NUDT19: variants seen among roughly 807,000 people sequenced by gnomAD.
NUDT19 encodes the protein acyl-coenzyme A diphosphatase NUDT19.
In NUDT19, 31 loss-of-function variants were observed where a neutral mutation model predicts 22.2. The ratio of observed to expected loss-of-function variants is 1.40; its 90% CI spans 1.05 to 1.89. The LOEUF (loss-of-function observed/expected upper bound fraction) is 1.89, where lower values mean the gene tolerates loss of function less well. NUDT19 is among the 40% of genes most tolerant of loss of function. NUDT19 has a pLI of 0.00. For synonymous variants in NUDT19, 325 were observed against 230.8 expected, an observed-to-expected ratio of 1.41 and a Z score of -3.70; for missense variants, 752 against 514.2, an observed-to-expected ratio of 1.46 and a Z score of -4.47.
intron 2 of NUDT19, 60 bp from the exon 3 acceptor site, chr19:32,711,690 TTC>T: frequency 3.2e-6 from 3 of 939,390 alleles, no homozygotes; most frequent in African/African-American, 1.7e-5. Flanking sequence ...ATTTTATACT[TTC>T]TGCCATGGTG....
In NUDT19 at chr19:32,711,835, G is replaced by A. The variant is rs1263938963; in HGVS notation, c.1006G>A (p.Gly336Ser). The A allele has an allele frequency of 1.9e-6, 3 of 1,613,636 alleles. No individual in the cohort carries two copies. The highest frequency in any genetic ancestry group is 2.7e-5 in the African/African-American group (2 of 74,906). ...EKKTEEIMKE[G>S]KQFHRIVTYH... Reference sequence around the variant, plus strand: ...AAAGACTGAGGAAATCATGAAGGAAGGCAAGCAGTTTCACCGGATAGTGAC... The same window carrying A: ...AAAGACTGAGGAAATCATGAAGGAAAGCAAGCAGTTTCACCGGATAGTGAC... Residue 336 changes from glycine (G) to serine (S), a missense_variant, in exon 3 of 3, where the codon GGC (glycine) becomes AGC (serine). Physicochemically the swap from Gly to Ser is moderately conservative, Grantham distance 56 (BLOSUM62 0). Transcript: ENST00000397061.
At chr19:32,697,028 G>A (rs899046301) in intron 1 of NUDT19, among the ~76,000 whole-genome samples, 2 of 152,108 alleles carry the variant, frequency 1.3e-5, no homozygotes, top group South Asian at 2.1e-4. Flanking sequence ...GGACATGGGC[G>A]AGGGGGCAGC....
intron 1 of NUDT19, among the ~76,000 whole-genome samples, chr19:32,706,493 G>GACCA (rs1968388641): frequency 6.6e-6 from 1 of 152,146 alleles, no homozygotes; most frequent in African/African-American, 2.4e-5. Flanking sequence ...AGACCAGCCT[G>GACCA]ACCAACAGGA....
intron 1 of NUDT19, 91 bp downstream of exon 1, chr19:32,692,765 T>A: frequency 1.1e-6 from 1 of 935,540 alleles, no homozygotes; most frequent in Non-Finnish European, 1.5e-6. Flanking sequence ...GACCCCCGCA[T>A]AGGCCAAGCC....
At chr19:32,697,100 G>C (rs1968272864) in intron 1 of NUDT19, among the ~76,000 whole-genome samples, 1 of 152,084 alleles carries the variant, frequency 6.6e-6, no homozygotes, top group African/African-American at 2.4e-5. Context: ...CTGATAACAA[G>C]CCCTACCAGG....
rs563946599 is a variant in NUDT19, at chr19:32,703,243, C to T, written c.715-5942C>T. 1.9e-3 allele frequency among the ~76,000 whole-genome samples: 296 copies of T among 152,306 alleles called. 2 individuals are homozygous for T. Among genetic ancestry groups the T allele is most frequent in the African/African-American group, 6.8e-3 (281 of 41,570 alleles). On this transcript the variant is annotated intron_variant, in intron 1 of 2. Transcript: ENST00000397061. ...GTCGAACTCCCAACCTCAGGTAATC[C>T]GCACACCTCGGCCTCCCAAAGTGCT... is the stretch of plus-strand genomic sequence containing the variant.
chr19:32,695,647 C>A (rs765818386), intron 1 of NUDT19, among the ~76,000 whole-genome samples: 3 of 152,108 alleles, frequency 2.0e-5, no homozygotes, highest in Non-Finnish European at 4.4e-5. Context: ...GCCGTTCTCC[C>A]TTCTCCTTCC....
chr19:32,707,236 T>C (rs1968395909), intron 1 of NUDT19, among the ~76,000 whole-genome samples: 1 of 152,230 alleles, frequency 6.6e-6, no homozygotes, highest in Non-Finnish European at 1.5e-5. Context: ...ACTGAACTCA[T>C]ACGGTTGCCT....
intron 1 of NUDT19, among the ~76,000 whole-genome samples, chr19:32,701,440 C>T (rs568174596): frequency 6.6e-6 from 1 of 152,098 alleles, no homozygotes; most frequent in East Asian, 1.9e-4. Context: ...TCAGGTGATC[C>T]ACCTGTCTGG....
Position 32,692,441 on chromosome 19 carries a change from C to T in NUDT19, c.481C>T (p.Pro161Ser), listed in dbSNP as rs756149645. 6.5e-7 allele frequency: 1 copy of T among 1,548,446 alleles called. No homozygotes were observed. The change falls in exon 1 of 3, where the codon CCG (proline) becomes TCG (serine). Residue 161 changes from proline to serine, a missense_variant. Pro to Ser is a moderately conservative substitution (Grantham distance 74). Transcript: ENST00000397061. ...CGGGCCTGGCCTCGCCCTGGAGCCA[C>T]CGCCGGGCCTGGCCTCCTGGCGCGA... ...APGPGLALEP[P>S]PGLASWRDRV...
Position 32,692,415 on chromosome 19 carries a change from C to T in NUDT19, c.455C>T (p.Pro152Leu). 6.4e-7 allele frequency: 1 copy of T among 1,558,582 alleles called. No homozygotes were observed. Among genetic ancestry groups the T allele is most frequent in the East Asian group, 2.4e-5 (1 of 41,476 alleles). Residue 152 changes from proline to leucine, a missense_variant, in exon 1 of 3, where the codon CCC (proline) becomes CTC (leucine). Transcript: ENST00000397061. ...AGGACTTCCCCACCAGGCCCAGCAC[C>T]CGGGCCTGGCCTCGCCCTGGAGCCA... ...RPRTSPPGPA[P>L]GPGLALEPPP...
chr19:32,705,774 C>T (rs1018952249), intron 1 of NUDT19, among the ~76,000 whole-genome samples: 28 of 151,868 alleles, frequency 1.8e-4, no homozygotes, highest in East Asian at 5.9e-4. Flanking sequence ...TAGTAGAGTC[C>T]GAGTTTCACC....
chr19:32,692,576 C>T lies in NUDT19; in HGVS notation c.616C>T (p.Arg206Trp), dbSNP rs759537114. Residue 206 changes from arginine (R) to tryptophan (W), a missense_variant, in exon 1 of 3, where the codon CGG becomes TGG. Transcript: ENST00000397061. Reference protein sequence around the residue: ...NWSAWLTPFLRGTTRRFDTAF... With the variant: ...NWSAWLTPFLWGTTRRFDTAF... ...GAGCGCCTGGCTCACCCCTTTCTTG[C>T]GGGGCACCACTCGCCGCTTTGACAC... The T allele has an allele frequency of 2.2e-5, 35 of 1,592,502 alleles. No individual in the cohort carries two copies. The highest frequency in any genetic ancestry group is 2.8e-5 in the African/African-American group (2 of 72,558).
chr19:32,692,714 G>T, intron 1 of NUDT19, 40 bp downstream of exon 1: 1 of 1,394,986 alleles, frequency 7.2e-7, no homozygotes, highest in South Asian at 1.6e-5. Context: ...CCGCCAGGAC[G>T]TGAGAGGGAG....
Position 32,709,348 on chromosome 19 carries a change from C to T in NUDT19, c.878C>T (p.Pro293Leu), listed in dbSNP as rs184454636. 2.2e-4 allele frequency: 351 copies of T among 1,614,114 alleles called. 1 individual carries two copies. The highest frequency in any genetic ancestry group is 1.2e-3 in the Middle Eastern group (7 of 6,062). The change falls in exon 2 of 3, where the codon CCG (proline) becomes CTG (leucine). Residue 293 changes from proline to leucine, a missense_variant. Pro to Leu is a moderately conservative substitution (Grantham distance 98). Transcript: ENST00000397061. ...TTAGAAGGACTGGAAAGGTGGCTGC[C>T]GATCATCTTGTTAACTGCTGATGGG... is the stretch of plus-strand genomic sequence containing the variant. Reference protein sequence around the residue: ...RALEGLERWLPIILLTADGMV... With the variant: ...RALEGLERWLLIILLTADGMV...
intron 1 of NUDT19, among the ~76,000 whole-genome samples, chr19:32,696,581 G>A (rs1339366138): frequency 6.6e-6 from 1 of 152,144 alleles, no homozygotes; most frequent in Non-Finnish European, 1.5e-5. Context: ...GACAACAAAT[G>A]GGTAACTTGT....
At chr19:32,696,196 C>G (rs112532063) in intron 1 of NUDT19, among the ~76,000 whole-genome samples, 29 of 152,152 alleles carry the variant, frequency 1.9e-4, no homozygotes, top group Non-Finnish European at 7.3e-5. Context: ...AGGAGTAGTG[C>G]CTGGTATCTA....
At chr19:32,706,543 T>G (rs913056627) in intron 1 of NUDT19, among the ~76,000 whole-genome samples, 1 of 151,900 alleles carries the variant, frequency 6.6e-6, no homozygotes, top group Non-Finnish European at 1.5e-5. Flanking sequence ...ATTAGCCAGG[T>G]GTAGTGGCAA....
rs964398220 is a variant in NUDT19 at position 32,709,338 on chromosome 19, A to G, written c.868A>G (p.Arg290Gly). 2 of 1,614,110 alleles carry G rather than the reference A, an allele frequency of 1.2e-6. No individual in the cohort carries two copies. The highest frequency in any genetic ancestry group is 1.7e-5 in the Admixed American group (1 of 59,992). The part of the protein sequence containing the change: ...CLGRALEGLE[R>G]WLPIILLTAD... Reference sequence around the variant, plus strand: ...GGGTCGTGCATTAGAAGGACTGGAAAGGTGGCTGCCGATCATCTTGTTAAC... The same window carrying G: ...GGGTCGTGCATTAGAAGGACTGGAAGGGTGGCTGCCGATCATCTTGTTAAC... The change falls in exon 2 of 3, where the codon AGG (arginine) becomes GGG (glycine). Residue 290 changes from arginine (R) to glycine (G), a missense_variant. Arg to Gly is a moderately radical substitution (Grantham distance 125, BLOSUM62 -2). Transcript: ENST00000397061.
Sources: gnomAD v4.1 joint callset for allele counts (sites outside exome capture counted in the v4.1 genomes callset) on GRCh38, gnomAD v4.1.1 for gene constraint, MANE v1.5 for transcripts, NCBI Gene and HGNC (gene_info 2026-07-23, HGNC 2026-07-21) for gene names.